The following PPFIBP2 variants were observed in gnomAD, a reference collection of about 807,000 sequenced individuals.
PPFIBP2 encodes the protein liprin-beta-2.
A neutral mutation model predicts 118.3 loss-of-function variants in PPFIBP2; 118 were observed. That is an observed-to-expected ratio of 1.00 (90% CI 0.86 to 1.16). The LOEUF is 1.16. Ranked by LOEUF, PPFIBP2 falls within the 50% of genes most tolerant of loss-of-function variation. The pLI is 0.00. For missense variants in PPFIBP2, 1,195 were observed against 1,073.1 expected, an observed-to-expected ratio of 1.11 and a Z score of -1.59; for synonymous variants, 414 against 397.4, an observed-to-expected ratio of 1.04 and a Z score of -0.50.
intron 3 of PPFIBP2, among the ~76,000 whole-genome samples, chr11:7,586,708 C>T (rs561296538): frequency 2.6e-5 from 4 of 152,124 alleles, no homozygotes; most frequent in Admixed American, 6.5e-5. Context: ...AGAAGGTGGT[C>T]CCTTGGGGAG....
At chr11:7,584,506 G>C (rs11041463) in intron 3 of PPFIBP2, among the ~76,000 whole-genome samples, 1 of 152,006 alleles carries the variant, frequency 6.6e-6, no homozygotes, top group Admixed American at 6.5e-5. Flanking sequence ...TGACAAAGAT[G>C]GTAGATTGGC....
Position 7,621,017 on chromosome 11 carries a change from AG to A in PPFIBP2, c.703del (p.Ala235ProfsTer15). ...NERNQYEWKL[K>X]ATKAEVAQLQ... ...AGGAATCAGTATGAATGGAAGCTAA[AG>A]GCCACTAAGGTAAACGGCACTCCTG... On this transcript the variant is annotated frameshift_variant, in exon 7 of 24. Transcript: ENST00000299492. LOFTEE classifies it high-confidence loss of function. 1 of 1,606,446 alleles carries A rather than the reference AG, an allele frequency of 6.2e-7. No homozygotes were observed. The highest frequency in any genetic ancestry group is 8.5e-7 in the Non-Finnish European group (1 of 1,172,940).
At chr11:7,663,692 G>T in the PPFIBP2 span, among the ~76,000 whole-genome samples, 2 of 152,150 alleles carry the variant, frequency 1.3e-5, no homozygotes, top group East Asian at 3.9e-4. Flanking sequence ...CGAGCTTCCC[G>T]GCTGCTTTGT....
intron 4 of PPFIBP2, 172 bp from the exon 5 acceptor site, chr11:7,597,388 G>T: frequency 6.5e-7 from 1 of 1,537,264 alleles, no homozygotes; most frequent in Non-Finnish European, 8.7e-7. Context: ...GAATCTAACT[G>T]CAGCTGCCTT....
intron 3 of PPFIBP2, among the ~76,000 whole-genome samples, chr11:7,585,743 A>G (rs1858038651): frequency 2.0e-5 from 3 of 152,206 alleles, no homozygotes; most frequent in Non-Finnish European, 2.9e-5. Flanking sequence ...AGGAGAGAGC[A>G]TTGTCATAGA....
chr11:7,607,967 A>G (rs954173297), intron 5 of PPFIBP2, among the ~76,000 whole-genome samples: 5 of 152,234 alleles, frequency 3.3e-5, no homozygotes, highest in Admixed American at 1.3e-4. Context: ...TAATAAAGAA[A>G]GAGAGGGAGG....
intron 1 of PPFIBP2, among the ~76,000 whole-genome samples, chr11:7,544,772 TAA>T (rs1194860244): frequency 0.17 from 14,450 of 85,978 alleles, 1,624 homozygotes; most frequent in African/African-American, 0.36. Flanking sequence ...AGACTCCATC[TAA>T]AAAAAAAAAA....
At chr11:7,555,076 T>A (rs1853451570) in intron 2 of PPFIBP2, among the ~76,000 whole-genome samples, 1 of 152,132 alleles carries the variant, frequency 6.6e-6, no homozygotes, top group Non-Finnish European at 1.5e-5. Flanking sequence ...ATTACCTCCC[T>A]CTGGATGGCC....
At chr11:7,621,091 C>A in intron 7 of PPFIBP2, 64 bp downstream of exon 7, 1 of 1,316,288 alleles carries the variant, frequency 7.6e-7, no homozygotes, top group Non-Finnish European at 1.1e-6. Context: ...GTCTGCATTC[C>A]AACTTGGGGG....
At chr11:7,636,616 C>T (rs528367261) in intron 14 of PPFIBP2, among the ~76,000 whole-genome samples, 1 of 152,274 alleles carries the variant, frequency 6.6e-6, no homozygotes, top group South Asian at 2.1e-4. Context: ...GCAGGTGTTT[C>T]TAAAGCACAC....
At chr11:7,649,703 T>A (rs558124129) in intron 21 of PPFIBP2, 49 bp downstream of exon 21, 253 of 1,608,288 alleles carry the variant, frequency 1.6e-4, no homozygotes, top group Non-Finnish European at 2.1e-4. Context: ...CCAGGACCCC[T>A]GAAACATCGA....
At chr11:7,605,119 G>T (rs924146788) in intron 5 of PPFIBP2, among the ~76,000 whole-genome samples, 2 of 152,172 alleles carry the variant, frequency 1.3e-5, no homozygotes, top group African/African-American at 2.4e-5. Flanking sequence ...CTGAACTAGG[G>T]AACAGTTTTC....
intron 6 of PPFIBP2, among the ~76,000 whole-genome samples, chr11:7,614,119 G>C (rs1565059302): frequency 6.6e-6 from 1 of 152,098 alleles, no homozygotes; most frequent in Non-Finnish European, 1.5e-5. Flanking sequence ...TAATAGGAGA[G>C]TTTTTTTATT....
chr11:7,629,672 C>T (rs1394232669), intron 10 of PPFIBP2, 138 bp downstream of exon 10: 1 of 803,624 alleles, frequency 1.2e-6, no homozygotes, highest in African/African-American at 1.7e-5. Context: ...GCTGTTTAGA[C>T]TTTTCTGCAT....
intron 7 of PPFIBP2, among the ~76,000 whole-genome samples, chr11:7,623,581 T>A (rs1326841036): frequency 1.3e-5 from 2 of 152,306 alleles, no homozygotes; most frequent in East Asian, 3.9e-4. Context: ...GGTATATACC[T>A]ACAGGACCTC....
intron 1 of PPFIBP2, among the ~76,000 whole-genome samples, chr11:7,534,940 G>A (rs1263252302): frequency 6.6e-6 from 1 of 152,224 alleles, no homozygotes; most frequent in East Asian, 1.9e-4. Flanking sequence ...AAGGCACCAT[G>A]TGCATTGCAG....
chr11:7,570,656 A>G (rs1216560834), intron 3 of PPFIBP2, among the ~76,000 whole-genome samples: 1 of 152,160 alleles, frequency 6.6e-6, no homozygotes. Flanking sequence ...TGGCCATCCA[A>G]TAGGAACCCA....
chr11:7,636,832 CCT>C (rs2135832068), intron 14 of PPFIBP2, among the ~76,000 whole-genome samples: 2 of 152,228 alleles, frequency 1.3e-5, no homozygotes, highest in South Asian at 4.1e-4. Context: ...ACCACCCTCC[CCT>C]CTCACCCACA....
intron 1 of PPFIBP2, among the ~76,000 whole-genome samples, chr11:7,539,693 A>G (rs1314408534): frequency 6.6e-6 from 1 of 152,216 alleles, no homozygotes; most frequent in East Asian, 1.9e-4. Context: ...ACCCAGTCAG[A>G]AGTAGTCACT....
Sources: allele counts gnomAD v4.1 joint callset (sites outside exome capture counted in the v4.1 genomes callset), GRCh38; gene constraint gnomAD v4.1.1; transcripts MANE v1.5; gene names NCBI Gene and HGNC (gene_info 2026-07-23, HGNC 2026-07-21).